The following SGCZ variants were observed in gnomAD, a reference collection of about 807,000 sequenced individuals.
SGCZ encodes sarcoglycan zeta.
SGCZ carries 40 observed loss-of-function variants against 41.3 expected under a neutral mutation model. That is an observed-to-expected ratio of 0.97 (90% CI 0.75 to 1.26). SGCZ has a LOEUF of 1.26. Among genes scored for constraint, SGCZ ranks in the 50% most tolerant of loss-of-function variants. The pLI is 0.00. For synonymous variants in SGCZ, 206 were observed against 137.5 expected (o/e 1.50, Z -3.49); for missense variants, 552 against 369.8 (o/e 1.49, Z -4.04).
chr8:14,296,665 T>A (rs540305757), intron 3 of SGCZ, among the ~76,000 whole-genome samples: 239 of 152,184 alleles, frequency 1.6e-3, no homozygotes, highest in African/African-American at 5.6e-3. Context: ...CTAGGGTACA[T>A]TAAACTTGCA....
intron 5 of SGCZ, among the ~76,000 whole-genome samples, chr8:14,118,410 G>A (rs920700199): frequency 2.6e-5 from 4 of 151,728 alleles, no homozygotes; most frequent in Non-Finnish European, 5.9e-5. Context: ...ACTTTTTGAT[G>A]GGGTTGTTTT....
rs150466483 is a variant in SGCZ, at chr8:15,133,012, G to A, written c.39+104573C>T. Among the ~76,000 whole-genome samples the A allele has an allele frequency of 3.8e-3, 584 of 152,168 alleles. 5 individuals are homozygous for A. Among genetic ancestry groups the A allele is most frequent in the African/African-American group, 0.014 (561 of 41,506 alleles). ...AATAAAATTAGCCAGGCATGGTGGC[G>A]TGGGCCTGTAGTCCCAGCTACTTGA... On this transcript the variant is annotated intron_variant, in intron 1 of 7. Coordinates refer to ENST00000382080, the MANE Select transcript of SGCZ (RefSeq NM_139167.4).
chr8:14,868,656 G>T (rs1050485546), intron 1 of SGCZ, among the ~76,000 whole-genome samples: 5 of 152,052 alleles, frequency 3.3e-5, no homozygotes, highest in Admixed American at 1.3e-4. Flanking sequence ...GAGACAATTA[G>T]AACAGAATTT....
chr8:14,882,832 A>T (rs1223138896), intron 1 of SGCZ, among the ~76,000 whole-genome samples: 1 of 151,966 alleles, frequency 6.6e-6, no homozygotes, highest in African/African-American at 2.4e-5. Flanking sequence ...GCTCAGCATC[A>T]TTTGGATCCA....
intron 2 of SGCZ, among the ~76,000 whole-genome samples, chr8:14,439,139 G>A (rs1307226183): frequency 7.9e-5 from 12 of 151,802 alleles, no homozygotes; most frequent in Non-Finnish European, 1.3e-4. Context: ...GCCTTTGACC[G>A]TGATACATTT....
intron 3 of SGCZ, among the ~76,000 whole-genome samples, chr8:14,316,816 CACACA>C (rs1801734414): frequency 2.0e-5 from 1 of 50,488 alleles, no homozygotes. Context: ...ATTATAGACA[CACACA>C]CACACACACA....
chr8:14,749,528 G>C (rs1799436765), intron 1 of SGCZ, among the ~76,000 whole-genome samples: 1 of 152,032 alleles, frequency 6.6e-6, no homozygotes, highest in African/African-American at 2.4e-5. Flanking sequence ...ATTTCATTTG[G>C]AATTCTGTCT....
At chr8:14,178,470 A>C (rs1345248296) in intron 4 of SGCZ, among the ~76,000 whole-genome samples, 1 of 152,222 alleles carries the variant, frequency 6.6e-6, no homozygotes, top group Non-Finnish European at 1.5e-5. Context: ...AATAATTTAG[A>C]TCCAGCTGTC....
intron 1 of SGCZ, among the ~76,000 whole-genome samples, chr8:15,126,911 AAG>A (rs1447458267): frequency 2.6e-5 from 4 of 152,100 alleles, no homozygotes; most frequent in Non-Finnish European, 1.5e-5. Flanking sequence ...GACCAGGGGG[AAG>A]AGAGGCCAGA....
intron 1 of SGCZ, among the ~76,000 whole-genome samples, chr8:15,050,895 C>T (rs1266191725): frequency 6.6e-6 from 1 of 152,116 alleles, no homozygotes; most frequent in Non-Finnish European, 1.5e-5. Context: ...GAATTCTGCA[C>T]CACAACATTT....
intron 1 of SGCZ, among the ~76,000 whole-genome samples, chr8:14,717,996 G>GATATAT (rs140343071): frequency 0.011 from 1,659 of 144,988 alleles, 20 homozygotes; most frequent in Non-Finnish European, 0.013. Context: ...TCTAAAATAA[G>GATATAT]ATATATATAT....
At chr8:14,217,051 G>T (rs199557741) in intron 4 of SGCZ, among the ~76,000 whole-genome samples, 1 of 152,152 alleles carries the variant, frequency 6.6e-6, no homozygotes, top group East Asian at 1.9e-4. Context: ...ACTTTGGGAG[G>T]CCGAGGTGGG....
chr8:14,096,730 G>C (rs1469247172), intron 7 of SGCZ, among the ~76,000 whole-genome samples: 1 of 152,036 alleles, frequency 6.6e-6, no homozygotes, highest in Non-Finnish European at 1.5e-5. Context: ...TATCTGTCTG[G>C]TCCAGAACTT....
chr8:15,071,945 C>T (rs117391796), intron 1 of SGCZ, among the ~76,000 whole-genome samples: 1,968 of 152,212 alleles, frequency 0.013, 16 homozygotes, highest in Non-Finnish European at 0.021. Flanking sequence ...AACTTCTTTC[C>T]GGAAACTTGT....
At chr8:15,160,305 A>C (rs1189847656) in intron 1 of SGCZ, among the ~76,000 whole-genome samples, 2 of 152,182 alleles carry the variant, frequency 1.3e-5, no homozygotes, top group African/African-American at 4.8e-5. Context: ...AATTGACCAT[A>C]TTGTGTCAGA....
At chr8:14,836,468 G>A (rs1318379393) in intron 1 of SGCZ, among the ~76,000 whole-genome samples, 1 of 151,892 alleles carries the variant, frequency 6.6e-6, no homozygotes, top group East Asian at 1.9e-4. Context: ...CTAGTCTGTC[G>A]CCCTCCCTCT....
intron 2 of SGCZ, among the ~76,000 whole-genome samples, chr8:14,496,939 G>T (rs959395599): frequency 2.3e-4 from 35 of 151,960 alleles, no homozygotes; most frequent in African/African-American, 8.5e-4. Context: ...CATTGTTGTA[G>T]GTTCTTTTAG....
intron 1 of SGCZ, among the ~76,000 whole-genome samples, chr8:15,167,703 G>A (rs1288440251): frequency 6.6e-6 from 1 of 151,986 alleles, no homozygotes; most frequent in Non-Finnish European, 1.5e-5. Flanking sequence ...GGTCTAGAGA[G>A]AGGCAAATTA....
chr8:14,275,278 C>G (rs1585308938), intron 3 of SGCZ, among the ~76,000 whole-genome samples: 1 of 152,256 alleles, frequency 6.6e-6, no homozygotes, highest in East Asian at 1.9e-4. Flanking sequence ...ATTGCCTACT[C>G]TCTCAGTAGG....
Sources: gnomAD v4.1 joint callset for allele counts (sites outside exome capture counted in the v4.1 genomes callset) on GRCh38, gnomAD v4.1.1 for gene constraint, MANE v1.5 for transcripts, NCBI Gene and HGNC (gene_info 2026-07-23, HGNC 2026-07-21) for gene names.